CTBP1: variants seen among roughly 807,000 people sequenced by gnomAD.
CTBP1 encodes C-terminal binding protein 1.
In CTBP1, 11 loss-of-function variants were observed where a neutral mutation model predicts 42.1. The observed-to-expected ratio is 0.26, with a 90% CI of 0.16 to 0.43. The LOEUF is 0.43. CTBP1 is among the 20% of genes least tolerant of loss of function. The pLI is 1.00. For missense variants in CTBP1, 399 were observed against 624.3 expected (o/e 0.64, Z 3.85); for synonymous variants, 324 against 277.1 (o/e 1.17, Z -1.68).
chr4:1,237,042 CGCTCAGGACAAACCGAGTGTGGG>C, intron 3 of CTBP1: 1 of 499,898 alleles, frequency 2.0e-6, no homozygotes, highest in Non-Finnish European at 3.6e-6. Context: ...CTCCTGATGG[CGCTCAGGACAAACCGAGTGTGGG>C]GCTCAGGGAA....
chr4:1,230,970 C>G (rs1290483301), intron 3 of CTBP1: 1 of 152,284 alleles, frequency 6.6e-6, no homozygotes. Context: ...GTGCACGATT[C>G]TTAATACACT....
intron 1 of CTBP1, among the ~76,000 whole-genome samples, chr4:1,246,048 T>G (rs1237730644): frequency 6.6e-6 from 1 of 152,110 alleles, no homozygotes; most frequent in Non-Finnish European, 1.5e-5. Flanking sequence ...AACGAACATT[T>G]CCTTGTGGGA....
intron 1 of CTBP1, 192 bp downstream of exon 1, chr4:1,248,724 T>A: frequency 2.0e-6 from 2 of 979,584 alleles, no homozygotes; most frequent in Non-Finnish European, 2.4e-6. Flanking sequence ...GGCCCGCGCA[T>A]GCGCAAGACC....
At chr4:1,226,049 G>T (rs765973717) in intron 4 of CTBP1, among the ~76,000 whole-genome samples, 2 of 151,964 alleles carry the variant, frequency 1.3e-5, no homozygotes, top group Non-Finnish European at 2.9e-5. Context: ...GCCGGGCCCC[G>T]AAGCCCCTTC....
intron 5 of CTBP1, among the ~76,000 whole-genome samples, chr4:1,224,745 T>C (rs1352888495): frequency 2.0e-5 from 3 of 151,534 alleles, no homozygotes; most frequent in Non-Finnish European, 4.4e-5. Context: ...GTGACATCTG[T>C]GTTATCTGTG....
rs1009628763 is a variant in CTBP1 at position 1,233,506 on chromosome 4, G to A, written c.162+4677C>T. On this transcript the variant is annotated intron_variant, in intron 3 of 9. Transcript: ENST00000382952. This position sits in a 1 kb window ranked among gnomAD's most constrained non-coding sequence, Gnocchi z 4.6. The stretch of plus-strand genomic sequence containing the variant: ...CGCTCCAGGCCCCGCAGCCCACACC[G>A]GACGCAGCCTCCAGGCTCCAGGGCT... Among the ~76,000 whole-genome samples, 19 of 152,042 alleles carry A rather than the reference G, an allele frequency of 1.2e-4. No individual in the cohort carries two copies. Among genetic ancestry groups the A allele is most frequent in the East Asian group, 3.9e-4 (2 of 5,162 alleles).
chr4:1,215,322 C>T (rs1031746918), intron 6 of CTBP1, among the ~76,000 whole-genome samples: 1 of 152,264 alleles, frequency 6.6e-6, no homozygotes, highest in Admixed American at 6.5e-5. Flanking sequence ...TGTGTACACA[C>T]ATGCACATAC....
Position 1,229,161 on chromosome 4 carries a change from G to A in CTBP1, c.163-818C>T, listed in dbSNP as rs571750448. The stretch of plus-strand genomic sequence containing the variant: ...TGCCAAGGGCTCCCAGTTACCCCCA[G>A]CCCAGGGAGGGCAGGGGCAGTGTGG... On this transcript the variant is annotated intron_variant, in intron 3 of 9. Transcript: ENST00000382952. 5.3e-5 allele frequency among the ~76,000 whole-genome samples: 8 copies of A among 152,342 alleles called. No homozygotes were observed. The South Asian group carries it at 1.7e-3, about 32-fold the overall frequency.
chr4:1,248,189 G>C (rs1019574598), intron 1 of CTBP1, among the ~76,000 whole-genome samples: 1 of 151,978 alleles, frequency 6.6e-6, no homozygotes, highest in African/African-American at 2.4e-5. Context: ...CGCAGCCCGC[G>C]AGGAAGGCGC....
chr4:1,241,272 CAA>C (rs1250657411), intron 2 of CTBP1, 51 bp downstream of exon 2: 17 of 787,194 alleles, frequency 2.2e-5, no homozygotes, highest in East Asian at 1.2e-4. Context: ...CACACGGTCG[CAA>C]AGAGACCGGC....
At chr4:1,222,426 C>T (rs557429565) in intron 5 of CTBP1, among the ~76,000 whole-genome samples, 24 of 152,270 alleles carry the variant, frequency 1.6e-4, no homozygotes, top group African/African-American at 3.4e-4. Flanking sequence ...GCGCCGAGAG[C>T]GAGGGAAGCA....
At chr4:1,212,829 C>G in intron 9 of CTBP1, 84 bp downstream of exon 9, 1 of 1,207,118 alleles carries the variant, frequency 8.3e-7, no homozygotes, top group East Asian at 2.3e-5. Context: ...GGAGACGCCG[C>G]CCCTCCCACC....
chr4:1,230,721 C>T (rs568623091), intron 3 of CTBP1, among the ~76,000 whole-genome samples: 11 of 152,358 alleles, frequency 7.2e-5, no homozygotes, highest in African/African-American at 1.4e-4. Flanking sequence ...CGTCACCTCC[C>T]GCACATTCGG....
intron 3 of CTBP1, chr4:1,236,423 T>A: frequency 1.8e-6 from 1 of 561,094 alleles, no homozygotes. Flanking sequence ...GCCGCGCAAC[T>A]GGGGCCGGGG....
rs190169575 is a variant in CTBP1 at position 1,212,465 on chromosome 4, G to A, written c.1107-42C>T. ...CATCCGTGAGGCCCACCTGTAGGCG[G>A]CCTGGCCAGGCCCCACCTGCCCTCC... On this transcript the variant is annotated intron_variant, in intron 9 of 9. Transcript: ENST00000382952. The A allele has an allele frequency of 7.2e-5, 100 of 1,389,674 alleles. 1 individual carries two copies. In the East Asian group the frequency reaches 2.8e-3, roughly 39 times the overall value. The allele number at this position is 1,389,674 out of a possible 1,614,324, so 86.1% of individuals were successfully genotyped here.
At chr4:1,248,879 C>CCCCCCCCG in intron 1 of CTBP1, 37 bp downstream of exon 1, 1 of 964,644 alleles carries the variant, frequency 1.0e-6, no homozygotes, top group Non-Finnish European at 1.2e-6. Context: ...GCCCCGCCCC[C>CCCCCCCCG]GCCCGCGGCC....
At chr4:1,212,873 G>A in intron 9 of CTBP1, 40 bp downstream of exon 9, 1 of 1,537,930 alleles carries the variant, frequency 6.5e-7, no homozygotes, top group Non-Finnish European at 9.0e-7. Context: ...GAAGCCTGGG[G>A]CCCTCCTGGA....
At chr4:1,237,759 T>C in intron 3 of CTBP1, 1 of 699,474 alleles carries the variant, frequency 1.4e-6, no homozygotes, top group Non-Finnish European at 2.6e-6. Flanking sequence ...GTCCACCTCC[T>C]GATGGGGCTC....
At chr4:1,215,878 G>T in intron 6 of CTBP1, 113 bp downstream of exon 6, 1 of 1,186,184 alleles carries the variant, frequency 8.4e-7, no homozygotes, top group Non-Finnish European at 1.2e-6. Flanking sequence ...CATGTGGCTC[G>T]CTGAAGGCAG....
Sources: allele counts gnomAD v4.1 joint callset (sites outside exome capture counted in the v4.1 genomes callset), GRCh38; gene constraint gnomAD v4.1.1; non-coding constraint Gnocchi (gnomAD v3.1); transcripts MANE v1.5; gene names NCBI Gene and HGNC (gene_info 2026-07-23, HGNC 2026-07-21).